Variants in FGF12 observed in about 807,000 individuals in gnomAD.
FGF12 encodes the protein fibroblast growth factor 12B.
Under a neutral mutation model 23.6 loss-of-function variants are expected in FGF12, and 14 were observed. The observed-to-expected ratio is 0.59, with a 90% confidence interval of 0.39 to 0.93. The LOEUF (loss-of-function observed/expected upper bound fraction) is 0.93. Ranked by LOEUF, FGF12 falls within the 40% of genes least tolerant of loss-of-function variation. The probability of loss-of-function intolerance (pLI) is 0.00; values close to 1 mark genes in which losing one functional copy is unlikely to be tolerated. For missense variants in FGF12, 175 were observed against 217.8 expected (o/e 0.80, Z 1.24); for synonymous variants, 62 against 77.3 (o/e 0.80, Z 1.04).
chr3:192,192,673 G>A (rs60270430), intron 4 of FGF12, among the ~76,000 whole-genome samples: 125 of 151,674 alleles, frequency 8.2e-4, no homozygotes, highest in African/African-American at 3.0e-3. Flanking sequence ...AACTTAAAAG[G>A]GAGAACATTT....
chr3:192,661,211 C>T (rs905320404), intron 2 of FGF12, among the ~76,000 whole-genome samples: 5 of 152,038 alleles, frequency 3.3e-5, no homozygotes, highest in Non-Finnish European at 7.4e-5. Context: ...TGGAAAAGAA[C>T]AAAACTGGCA....
intron 4 of FGF12, among the ~76,000 whole-genome samples, chr3:192,205,246 C>T (rs935217246): frequency 6.6e-6 from 1 of 152,158 alleles, no homozygotes; most frequent in Non-Finnish European, 1.5e-5. Flanking sequence ...AATATTCAAC[C>T]TTATCCACCC....
At chr3:192,330,169 C>T (rs1001030839) in intron 4 of FGF12, among the ~76,000 whole-genome samples, 19 of 152,068 alleles carry the variant, frequency 1.2e-4, no homozygotes, top group African/African-American at 4.6e-4. Flanking sequence ...TCTACATATT[C>T]AATACAATTC....
At chr3:192,655,787 G>A (rs904951497) in intron 2 of FGF12, among the ~76,000 whole-genome samples, 10 of 152,028 alleles carry the variant, frequency 6.6e-5, no homozygotes, top group East Asian at 1.9e-4. Flanking sequence ...AGAAATGAAC[G>A]TTATCAGGAG....
At chr3:192,295,777 T>C (rs1362388248) in intron 4 of FGF12, among the ~76,000 whole-genome samples, 1 of 152,222 alleles carries the variant, frequency 6.6e-6, no homozygotes, top group African/African-American at 2.4e-5. Context: ...CAAATTGGTA[T>C]AGACTATTTT....
At chr3:192,384,123 T>C (rs1474996101) in intron 2 of FGF12, among the ~76,000 whole-genome samples, 1 of 152,216 alleles carries the variant, frequency 6.6e-6, no homozygotes, top group African/African-American at 2.4e-5. Context: ...AAGTATCCAT[T>C]AGATTTGGTA....
Position 192,290,589 on chromosome 3 carries a change from T to A in FGF12, c.228+44772A>T, listed in dbSNP as rs181651695. Among the ~76,000 whole-genome samples the A allele has an allele frequency of 2.5e-3, 378 of 152,288 alleles. 1 individual carries two copies. The highest frequency in any genetic ancestry group is 4.3e-3 in the Non-Finnish European group (295 of 68,022). On this transcript the variant is annotated intron_variant, in intron 4 of 5. Coordinates refer to ENST00000445105, the MANE Select transcript of FGF12 (RefSeq NM_004113.6). ...AGTCATACATGCGAAACACCTAGCA[T>A]GCTACCTGACACTAACAGAGTATTC... is the stretch of plus-strand genomic sequence containing the variant.
intron 2 of FGF12, among the ~76,000 whole-genome samples, chr3:192,394,475 A>G (rs1264271069): frequency 6.6e-6 from 1 of 152,200 alleles, no homozygotes; most frequent in African/African-American, 2.4e-5. Flanking sequence ...TATATCTGAC[A>G]TACAGATATC....
intron 2 of FGF12, among the ~76,000 whole-genome samples, chr3:192,444,152 C>T (rs929697989): frequency 6.6e-6 from 1 of 152,176 alleles, no homozygotes; most frequent in African/African-American, 2.4e-5. Context: ...CCTTGAGTTC[C>T]GTAGCCAAGC....
Position 192,144,027 on chromosome 3 carries a change from C to T in FGF12, c.528G>A (p.Val176=), listed in dbSNP as rs374897358. 6.2e-7 allele frequency: 1 copy of T among 1,610,246 alleles called. No homozygotes were observed. Residue 176 remains valine (V), a synonymous_variant, in exon 6 of 6, where the codon GTG becomes GTA. Transcript: ENST00000445105. ...GTPTMNGGKV[V]NQDST ...TTCTCAGCTATGTTGAATCTTGATT[C>T]ACAACTTTGCCTCCATTCATGGTTG... is the stretch of plus-strand genomic sequence containing the variant.
chr3:192,564,749 T>C lies in FGF12; in HGVS notation c.13+162432A>G, dbSNP rs966962068. On this transcript the variant is annotated intron_variant, in intron 2 of 5. Transcript: ENST00000445105. ...ATGAGCTTGACATTCTGCATTCCAC[T>C]GGGTTTGGAATTTTTTAAATGTTTC... Among the ~76,000 whole-genome samples, 4 of 152,200 alleles carry C rather than the reference T, an allele frequency of 2.6e-5. No homozygotes were observed. The East Asian group carries it at 7.7e-4, about 29-fold the overall frequency.
intron 2 of FGF12, among the ~76,000 whole-genome samples, chr3:192,692,481 G>A (rs1717973437): frequency 6.6e-6 from 1 of 152,174 alleles, no homozygotes; most frequent in South Asian, 2.1e-4. Flanking sequence ...AAGGCAGGCA[G>A]ATCGCTAGAG....
chr3:192,391,954 T>A (rs1720309229), intron 2 of FGF12, among the ~76,000 whole-genome samples: 1 of 152,202 alleles, frequency 6.6e-6, no homozygotes, highest in Admixed American at 6.5e-5. Context: ...AGCAAAGATT[T>A]ATGTTTACTA....
chr3:192,504,305 T>G (rs1010440636), intron 2 of FGF12, among the ~76,000 whole-genome samples: 2 of 152,066 alleles, frequency 1.3e-5, no homozygotes, highest in Non-Finnish European at 2.9e-5. Flanking sequence ...AATTTACCTG[T>G]GTAACAAACC....
intron 2 of FGF12, among the ~76,000 whole-genome samples, chr3:192,456,887 T>C (rs974251626): frequency 2.6e-5 from 4 of 152,198 alleles, no homozygotes; most frequent in African/African-American, 7.2e-5. Context: ...TGCAGTGATA[T>C]GGTTTGGCTG....
At chr3:192,405,473 T>C (rs972515401) in intron 2 of FGF12, among the ~76,000 whole-genome samples, 1 of 151,192 alleles carries the variant, frequency 6.6e-6, no homozygotes, top group Non-Finnish European at 1.5e-5. Flanking sequence ...CAATGGAACA[T>C]GTGTCTCAGT....
At chr3:192,540,347 C>A (rs1449804203) in intron 2 of FGF12, among the ~76,000 whole-genome samples, 1 of 151,970 alleles carries the variant, frequency 6.6e-6, no homozygotes, top group African/African-American at 2.4e-5. Context: ...TCTCCATTAT[C>A]ATTTGTTTCA....
At chr3:192,411,614 A>G (rs1576962603) in intron 2 of FGF12, among the ~76,000 whole-genome samples, 1 of 152,322 alleles carries the variant, frequency 6.6e-6, no homozygotes, top group Non-Finnish European at 1.5e-5. Context: ...CAATTAGGAA[A>G]ATATTCACAT....
intron 4 of FGF12, among the ~76,000 whole-genome samples, chr3:192,313,266 T>G (rs1201791422): frequency 6.6e-6 from 1 of 152,150 alleles, no homozygotes; most frequent in Non-Finnish European, 1.5e-5. Flanking sequence ...ATTAATAATT[T>G]TAAATAAATA....
Sources: gnomAD v4.1 joint callset for allele counts (sites outside exome capture counted in the v4.1 genomes callset) on GRCh38, gnomAD v4.1.1 for gene constraint, MANE v1.5 for transcripts, NCBI Gene and HGNC (gene_info 2026-07-23, HGNC 2026-07-21) for gene names.